The following SH3GL3 variants were observed in gnomAD, a reference collection of about 807,000 sequenced individuals.
The protein encoded by SH3GL3 is endophilin-A3.
In SH3GL3, 33 loss-of-function variants were observed where a neutral mutation model predicts 47.7. That is an observed-to-expected ratio of 0.69 (90% CI 0.52 to 0.92). SH3GL3 has a LOEUF of 0.92. Ranked by LOEUF, SH3GL3 falls within the 40% of genes least tolerant of loss-of-function variation. The probability of loss-of-function intolerance (pLI) is 0.00; values close to 1 mark genes in which losing one functional copy is unlikely to be tolerated. For synonymous variants in SH3GL3, 155 were observed against 148.8 expected, an observed-to-expected ratio of 1.04 and a Z score of -0.30; for missense variants, 363 against 417.8, an observed-to-expected ratio of 0.87 and a Z score of 1.14.
chr15:83,497,727 A>G lies in SH3GL3; in HGVS notation c.45+50149A>G, dbSNP rs182786822. ...CCTGATCACGTATCACTGTCAACCA[A>G]TGTAATCTACTGTCCCCTCCATCAT... On this transcript the variant is annotated intron_variant, in intron 1 of 8. Coordinates refer to ENST00000427482, the MANE Select transcript of SH3GL3 (RefSeq NM_003027.5). Among the ~76,000 whole-genome samples the G allele has an allele frequency of 5.9e-5, 9 of 152,244 alleles. No individual in the cohort carries two copies. In the South Asian group the frequency reaches 6.2e-4, roughly 11 times the overall value.
chr15:83,555,342 G>A (rs751518806), intron 1 of SH3GL3, among the ~76,000 whole-genome samples: 3 of 151,788 alleles, frequency 2.0e-5, no homozygotes, highest in Non-Finnish European at 4.4e-5. Context: ...TCATAAAACC[G>A]TTTTCTCTAG....
chr15:83,459,391 G>C (rs2040161238), intron 1 of SH3GL3, among the ~76,000 whole-genome samples: 1 of 152,184 alleles, frequency 6.6e-6, no homozygotes, highest in Non-Finnish European at 1.5e-5. Flanking sequence ...TAGGGTTTAA[G>C]AAAATGATGG....
the SH3GL3 span, among the ~76,000 whole-genome samples, chr15:83,625,114 C>A: frequency 6.6e-6 from 1 of 152,152 alleles, no homozygotes; most frequent in African/African-American, 2.4e-5. Flanking sequence ...CAAAAATTAG[C>A]CGGGCATGGT....
Position 83,588,777 on chromosome 15 carries a change from T to G in SH3GL3, c.838+6T>G, listed in dbSNP as rs2060016429. Reference sequence around the variant, plus strand: ...CTCTGTAGTGAAGACGACAGGTAAGTTGACCATTCTAATATGCTAAGTGTG... The same window carrying G: ...CTCTGTAGTGAAGACGACAGGTAAGGTGACCATTCTAATATGCTAAGTGTG... On this transcript the variant is annotated splice_donor_region_variant and intron_variant, in intron 8 of 8. Transcript: ENST00000427482. The G allele has an allele frequency of 2.1e-6, 3 of 1,445,962 alleles. No homozygotes were observed. Among genetic ancestry groups the G allele is most frequent in the Non-Finnish European group, 2.9e-6 (3 of 1,026,566 alleles). 89.6% of individuals were successfully genotyped at this position (1,445,962 alleles called of 1,614,324 possible).
At chr15:83,509,888 C>T (rs1491578) in intron 1 of SH3GL3, among the ~76,000 whole-genome samples, 44,877 of 152,028 alleles carry the variant, frequency 0.3, 6,938 homozygotes, top group Admixed American at 0.4. Context: ...AAAAATTAAA[C>T]CAAAACACTG....
At chr15:83,472,894 G>T (rs2040894642) in intron 1 of SH3GL3, among the ~76,000 whole-genome samples, 1 of 152,128 alleles carries the variant, frequency 6.6e-6, no homozygotes, top group Non-Finnish European at 1.5e-5. Flanking sequence ...ACTTCCAGGT[G>T]GGGGAAGTCT....
At chr15:83,529,328 T>C (rs1318975306) in intron 1 of SH3GL3, among the ~76,000 whole-genome samples, 1 of 152,128 alleles carries the variant, frequency 6.6e-6, no homozygotes, top group Non-Finnish European at 1.5e-5. Flanking sequence ...GTGGCAGCAG[T>C]GGGCTGGATG....
Position 83,568,803 on chromosome 15 carries a change from G to C in SH3GL3, c.331+131G>C, listed in dbSNP as rs1596279782. ...ACCAAAGTAATACATGTTAATTGCAGGAGGTTTAGAAAACATAGGTAAGTA... is the reference window on the plus strand; with the variant it reads ...ACCAAAGTAATACATGTTAATTGCACGAGGTTTAGAAAACATAGGTAAGTA... On this transcript the variant is annotated intron_variant, in intron 4 of 8. Transcript: ENST00000427482. 8.2e-6 allele frequency: 5 copies of C among 610,450 alleles called. No individual in the cohort carries two copies. The East Asian group carries it at 1.4e-4, about 17-fold the overall frequency. The allele number at this position is 610,450 out of a possible 1,614,324, so 37.8% of individuals were successfully genotyped here.
chr15:83,624,725 A>G, the SH3GL3 span, among the ~76,000 whole-genome samples: 1 of 152,326 alleles, frequency 6.6e-6, no homozygotes, highest in South Asian at 2.1e-4. Context: ...TTGGGAGGCC[A>G]GGACTTTGAG....
At chr15:83,594,818 C>T (rs2060197882) in intron 8 of SH3GL3, among the ~76,000 whole-genome samples, 1 of 152,116 alleles carries the variant, frequency 6.6e-6, no homozygotes, top group South Asian at 2.1e-4. Flanking sequence ...TCACATCAGT[C>T]AGAATGGCTG....
At chr15:83,508,740 C>G (rs1297204204) in intron 1 of SH3GL3, among the ~76,000 whole-genome samples, 3 of 152,038 alleles carry the variant, frequency 2.0e-5, no homozygotes, top group African/African-American at 7.2e-5. Flanking sequence ...ACCACACCCA[C>G]TTAATATTTG....
intron 1 of SH3GL3, among the ~76,000 whole-genome samples, chr15:83,511,263 G>A (rs900574708): frequency 6.6e-6 from 1 of 151,980 alleles, no homozygotes; most frequent in Non-Finnish European, 1.5e-5. Flanking sequence ...ACCACCTCTG[G>A]CAAGTGACCT....
At chr15:83,550,850 A>G (rs998007622) in intron 1 of SH3GL3, among the ~76,000 whole-genome samples, 1 of 152,172 alleles carries the variant, frequency 6.6e-6, no homozygotes, top group Admixed American at 6.5e-5. Context: ...CCATGGAGCT[A>G]GTGTTTTGTG....
chr15:83,570,834 A>G (rs2045779204), intron 4 of SH3GL3, among the ~76,000 whole-genome samples: 3 of 152,208 alleles, frequency 2.0e-5, no homozygotes, highest in South Asian at 4.1e-4. Context: ...CTAAGGGCCA[A>G]TGGGGACAAG....
At chr15:83,508,395 C>G (rs1447552992) in intron 1 of SH3GL3, among the ~76,000 whole-genome samples, 1 of 151,706 alleles carries the variant, frequency 6.6e-6, no homozygotes, top group Admixed American at 6.6e-5. Context: ...TAGAAACACG[C>G]TGGAGGTGTT....
intron 1 of SH3GL3, among the ~76,000 whole-genome samples, chr15:83,467,890 C>T (rs908357910): frequency 6.6e-6 from 1 of 152,104 alleles, no homozygotes; most frequent in African/African-American, 2.4e-5. Context: ...TGCAGTGGCA[C>T]AATCTTGGCT....
intron 1 of SH3GL3, among the ~76,000 whole-genome samples, chr15:83,498,871 C>T (rs2042182030): frequency 6.6e-6 from 1 of 152,166 alleles, no homozygotes; most frequent in Non-Finnish European, 1.5e-5. Context: ...TAGCTCTAGC[C>T]ATCTGGAGCT....
chr15:83,487,757 T>C (rs1319563848), intron 1 of SH3GL3, among the ~76,000 whole-genome samples: 1 of 152,220 alleles, frequency 6.6e-6, no homozygotes, highest in East Asian at 1.9e-4. Context: ...GCACCACCAA[T>C]GGGACATTCC....
At chr15:83,489,247 C>A (rs2041755177) in intron 1 of SH3GL3, 1 of 152,174 alleles carries the variant, frequency 6.6e-6, no homozygotes, top group Non-Finnish European at 1.5e-5. Context: ...TCTGCTTTTC[C>A]TAATCATGTC....
Sources: gnomAD v4.1 joint callset for allele counts (sites outside exome capture counted in the v4.1 genomes callset) on GRCh38, gnomAD v4.1.1 for gene constraint, MANE v1.5 for transcripts, NCBI Gene and HGNC (gene_info 2026-07-23, HGNC 2026-07-21) for gene names.